AFM: variants seen among roughly 807,000 people sequenced by gnomAD.
AFM encodes the protein afamin.
In AFM, 82 loss-of-function variants were observed where a neutral mutation model predicts 68.7. That is an observed-to-expected ratio of 1.19 (90% confidence interval 1.00 to 1.43). AFM has a LOEUF of 1.43. AFM is among the 40% of genes most tolerant of loss of function. The pLI is 0.00. For synonymous variants in AFM, 250 were observed against 234.2 expected, an observed-to-expected ratio of 1.07 and a Z score of -0.61; for missense variants, 772 against 701.8, an observed-to-expected ratio of 1.10 and a Z score of -1.13.
rs543019507 is a variant in AFM at position 73,488,639 on chromosome 4, G to T, written c.723G>T (p.Ala241=). ...TCAATTCTCTTTCCAGATATATTGC[G>T]ATACTCAGTCAAAAATTCCCCAAGA... ...GTKVVHFIYI[A]ILSQKFPKIE... Residue 241 remains alanine (A), a synonymous_variant, in exon 7 of 15, where the codon GCG becomes GCT. Coordinates refer to ENST00000226355, the MANE Select transcript of AFM (RefSeq NM_001133.2). The T allele has an allele frequency of 1.2e-6, 2 of 1,609,614 alleles. No individual in the cohort carries two copies. Among genetic ancestry groups the T allele is most frequent in the Admixed American group, 1.7e-5 (1 of 59,034 alleles).
rs141061547 is a variant in AFM at position 73,492,084 on chromosome 4, G to A, written c.1056G>A (p.Ala352=). The A allele has an allele frequency of 1.1e-5, 18 of 1,604,374 alleles. No homozygotes were observed. Among genetic ancestry groups the A allele is most frequent in the African/African-American group, 2.7e-5 (2 of 74,164 alleles). The part of the protein sequence containing the change: ...ERDADPDTFF[A]KFTFEYSRRH... ...ATGCTGACCCAGACACCTTCTTTGC[G>A]AAGTAATATAACTCTTTATTGAATT... The change falls in exon 8 of 15, where the codon GCG becomes GCA. Residue 352 remains alanine, a splice_region_variant and synonymous_variant. Coordinates refer to ENST00000226355, the MANE Select transcript of AFM (RefSeq NM_001133.2).
At position 73,491,854 on chromosome 4, in the gene AFM, C is replaced by A; in HGVS notation, c.844-18C>A. The A allele has an allele frequency of 6.3e-7, 1 of 1,595,434 alleles. No homozygotes were observed. Among genetic ancestry groups the A allele is most frequent in the Non-Finnish European group, 8.6e-7 (1 of 1,167,518 alleles). On this transcript the variant is annotated intron_variant, in intron 7 of 14. Coordinates refer to ENST00000226355, the MANE Select transcript of AFM (RefSeq NM_001133.2). ...CCAGCCTGAAAGTAAAATAATCTCT[C>A]ATTCTTATTTGGTACAGAGCAAGGT... is the stretch of plus-strand genomic sequence containing the variant.
intron 10 of AFM, among the ~76,000 whole-genome samples, chr4:73,498,134 C>A (rs1721307781): frequency 1.3e-5 from 2 of 152,058 alleles, no homozygotes. Context: ...GGCTATCTTA[C>A]CTGAGTTTAT....
chr4:73,495,392 G>A lies in AFM; in HGVS notation c.1151G>A (p.Cys384Tyr). The change falls in exon 9 of 15, where the codon TGC becomes TAC. Residue 384 changes from cysteine (C) to tyrosine (Y), a missense_variant. By Grantham distance (194) the Cys-to-Tyr change is radical. Coordinates refer to ENST00000226355, the MANE Select transcript of AFM (RefSeq NM_001133.2). ...ATATACAAAGATCTCCTGAGAAATT[G>A]CTGCAACACAGAAAACCCTCCAGGT... The part of the protein sequence containing the change: ...VQIYKDLLRN[C>Y]CNTENPPGCY... 1.9e-6 allele frequency: 3 copies of A among 1,613,296 alleles called. No homozygotes were observed. The highest frequency in any genetic ancestry group is 2.5e-6 in the Non-Finnish European group (3 of 1,179,712).
intron 3 of AFM, among the ~76,000 whole-genome samples, chr4:73,484,701 A>T (rs1011519311): frequency 6.6e-6 from 1 of 151,400 alleles, no homozygotes; most frequent in Non-Finnish European, 1.5e-5. Flanking sequence ...TGCCCAGCTA[A>T]TTTTTTTGTA....
intron 11 of AFM, 120 bp downstream of exon 11, chr4:73,499,366 A>G: frequency 9.1e-7 from 1 of 1,096,584 alleles, no homozygotes; most frequent in Non-Finnish European, 1.2e-6. Flanking sequence ...AATATTGTTA[A>G]GCAAAAATTG....
chr4:73,501,669 A>C, intron 12 of AFM, 118 bp from the exon 13 acceptor site: 1 of 1,137,044 alleles, frequency 8.8e-7, no homozygotes, highest in Non-Finnish European at 1.2e-6. Flanking sequence ...GTATATTTCA[A>C]CTCTTTACCC....
Position 73,491,804 on chromosome 4 carries a change from C to T in AFM, c.844-68C>T, listed in dbSNP as rs114162224. The T allele has an allele frequency of 5.3e-4, 681 of 1,291,944 alleles. 2 individuals are homozygous for T. The African/African-American group carries it at 9.5e-3, about 18-fold the overall frequency. 80.0% of individuals were successfully genotyped at this position (1,291,944 alleles called of 1,614,324 possible). ...CTGCGATCATGACTGGTTTTGCATG[C>T]CATCATTCCATAATGGAAGAAAACC... On this transcript the variant is annotated intron_variant, in intron 7 of 14. Transcript: ENST00000226355.
chr4:73,502,388 G>C (rs1409373276), intron 13 of AFM, among the ~76,000 whole-genome samples: 1 of 152,130 alleles, frequency 6.6e-6, no homozygotes, highest in Non-Finnish European at 1.5e-5. Context: ...CCCAGGCCTT[G>C]TGCTAACATC....
chr4:73,481,764 G>A lies in AFM; in HGVS notation c.-12G>A, dbSNP rs1560406720. 6.7e-7 allele frequency: 1 copy of A among 1,488,856 alleles called. No homozygotes were observed. Among genetic ancestry groups the A allele is most frequent in the Admixed American group, 1.9e-5 (1 of 52,134 alleles). 92.2% of individuals were successfully genotyped at this position (1,488,856 alleles called of 1,614,324 possible). On this transcript the variant is annotated 5_prime_UTR_variant, in exon 1 of 15. The change creates a premature stop within an existing upstream ORF in the 5' untranslated region. Transcript: ENST00000226355. ...AACATTACTTTCTTTTGTAAATGTG[G>A]TTTCTACAAAGATGAAACTACTAAA...
At chr4:73,482,356 C>A (rs936024955) in intron 1 of AFM, among the ~76,000 whole-genome samples, 2 of 152,186 alleles carry the variant, frequency 1.3e-5, no homozygotes, top group African/African-American at 4.8e-5. Context: ...GAAGGGATGA[C>A]TTTTTTTATT....
At chr4:73,487,955 TAGAC>T (rs1720953301) in intron 6 of AFM, 134 bp downstream of exon 6, 1 of 601,814 alleles carries the variant, frequency 1.7e-6, no homozygotes, top group Admixed American at 2.9e-5. Flanking sequence ...TGAGCCTACT[TAGAC>T]AGCTCAGGAC....
intron 5 of AFM, 57 bp downstream of exon 5, chr4:73,487,156 C>T: frequency 6.4e-7 from 1 of 1,570,896 alleles, no homozygotes; most frequent in Non-Finnish European, 8.7e-7. Context: ...ACCACAGATC[C>T]AGACCCTGAC....
chr4:73,503,750 G>A (rs1306153158), intron 14 of AFM, 126 bp from the exon 15 acceptor site: 1 of 152,102 alleles, frequency 6.6e-6, no homozygotes. Flanking sequence ...CAGAAGGTAG[G>A]TTGGGATTTA....
intron 1 of AFM, among the ~76,000 whole-genome samples, chr4:73,482,544 C>T (rs1720743850): frequency 6.6e-6 from 1 of 152,146 alleles, no homozygotes; most frequent in Non-Finnish European, 1.5e-5. Context: ...TTTGACATGC[C>T]CCTACAATAC....
At position 73,491,886 on chromosome 4, in the gene AFM, C is replaced by G. The variant is rs761850161; in HGVS notation, c.858C>G (p.Asn286Lys). ...ATTTGGTACAGAGCAAGGTTATGAA[C>G]CATATTTGTTCAAAACAAGATTCTA... ...QCIRDTSKVM[N>K]HICSKQDSIS... Residue 286 changes from asparagine (N) to lysine (K), a missense_variant, in exon 8 of 15, where the codon AAC becomes AAG. Transcript: ENST00000226355. 1 of 1,613,152 alleles carries G rather than the reference C, an allele frequency of 6.2e-7. No homozygotes were observed. Among genetic ancestry groups the G allele is most frequent in the South Asian group, 1.1e-5 (1 of 90,870 alleles).
chr4:73,489,184 C>T (rs1200472913), intron 7 of AFM, among the ~76,000 whole-genome samples: 3 of 152,096 alleles, frequency 2.0e-5, no homozygotes, highest in African/African-American at 7.2e-5. Flanking sequence ...AGGTATAGTC[C>T]TTCCAAATAA....
intron 3 of AFM, 103 bp from the exon 4 acceptor site, chr4:73,485,759 C>T (rs2149343043): frequency 1.2e-6 from 1 of 846,666 alleles, no homozygotes; most frequent in South Asian, 1.7e-5. Context: ...AGAAGGAGCT[C>T]TGTTGGTAAT....
At chr4:73,494,629 T>C (rs932328456) in intron 8 of AFM, among the ~76,000 whole-genome samples, 1 of 152,214 alleles carries the variant, frequency 6.6e-6, no homozygotes, top group Non-Finnish European at 1.5e-5. Context: ...AGAAAGTGTT[T>C]ATAAAGTCCA....
Sources: gnomAD v4.1 joint callset for allele counts (sites outside exome capture counted in the v4.1 genomes callset) on GRCh38, gnomAD v4.1.1 for gene constraint, MANE v1.5 for transcripts, NCBI Gene and HGNC (gene_info 2026-07-23, HGNC 2026-07-21) for gene names.